Variants in XPNPEP2 observed in about 807,000 individuals in gnomAD.
XPNPEP2 encodes X-prolyl aminopeptidase 2.
In XPNPEP2, 64 loss-of-function variants were observed where a neutral mutation model predicts 59.8. The observed-to-expected ratio is 1.07, with a 90% CI of 0.87 to 1.32. XPNPEP2 has a LOEUF of 1.32. XPNPEP2 is among the 40% of genes most tolerant of loss of function. XPNPEP2 has a pLI of 0.00. For synonymous variants in XPNPEP2, 235 were observed against 210.0 expected (o/e 1.12, Z -1.03); for missense variants, 575 against 546.8 (o/e 1.05, Z -0.51).
intron 14 of XPNPEP2, among the ~76,000 whole-genome samples, chrX:129,756,976 G>A (rs1926529922): frequency 1.0e-5 from 1 of 96,432 alleles, no homozygotes; most frequent in Non-Finnish European, 2.0e-5. Context: ...TGGATTACAG[G>A]TGTCCACCAC....
At position 129,757,023 on chromosome X, in the gene XPNPEP2, T is replaced by TATATATATATATATATATAC. The variant is rs1491537516; in HGVS notation, c.1367+469_1367+470insTATATATATATATATATACA. 2.4e-4 allele frequency among the ~76,000 whole-genome samples: 19 copies of TATATATATATATATATATAC among 77,700 alleles called. No homozygotes were observed. The East Asian group carries it at 4.4e-3, about 18-fold the overall frequency. 67.5% of individuals were successfully genotyped at this position (77,700 alleles called of 115,157 possible). A position where few individuals can be genotyped will look rare whatever the true frequency, so the allele number is the denominator to read the frequency against. ...ATATATATATATATATATATATATA[T>TATATATATATATATATATAC]ACACACACACACACATATATATATA... On this transcript the variant is annotated intron_variant, in intron 14 of 20. Transcript: ENST00000371106.
intron 20 of XPNPEP2, 100 bp downstream of exon 20, chrX:129,767,792 TC>T: frequency 1.1e-6 from 1 of 871,793 alleles, no homozygotes; most frequent in Non-Finnish European, 1.7e-6. Flanking sequence ...TCCAGGAGGG[TC>T]CACACTGGTG....
rs375178294 is a variant in XPNPEP2 at position 129,751,822 on chromosome X, A to G, written c.817A>G (p.Ile273Val). The change falls in exon 9 of 21, where the codon ATT becomes GTT. Residue 273 changes from isoleucine to valine, a missense_variant. By Grantham distance (29) the Ile-to-Val change is conservative. Coordinates refer to ENST00000371106, the MANE Select transcript of XPNPEP2 (RefSeq NM_003399.6). ...CTACACGCTGCTCACAGACTCTTCT[A>G]TTAGGTATGGCTTTTCCTTAGCTTG... The part of the protein sequence containing the change: ...YSYTLLTDSS[I>V]RLFANKSRFS... The G allele has an allele frequency of 8.3e-7, 1 of 1,207,605 alleles. No individual in the cohort carries two copies. The highest frequency in any genetic ancestry group is 1.1e-6 in the Non-Finnish European group (1 of 891,942).
At chrX:129,767,813 GAC>G (rs1926780255) in intron 20 of XPNPEP2, 121 bp downstream of exon 20, 1 of 703,407 alleles carries the variant, frequency 1.4e-6, no homozygotes, top group East Asian at 3.3e-5. Flanking sequence ...GGCACCTGCA[GAC>G]ACACACTGGG....
At chrX:129,753,066 C>T in intron 10 of XPNPEP2, 93 bp from the exon 11 acceptor site, 3 of 730,887 alleles carry the variant, frequency 4.1e-6, no homozygotes, top group Non-Finnish European at 4.3e-6. Context: ...CCTGCCAGTC[C>T]TCTGAAAACA....
intron 8 of XPNPEP2, among the ~76,000 whole-genome samples, chrX:129,751,107 C>A (rs980400241): frequency 2.6e-5 from 1 of 39,144 alleles, no homozygotes; most frequent in Non-Finnish European, 4.7e-5. Flanking sequence ...CTCCCCCACC[C>A]CCCCCCCCCG....
chrX:129,747,877 C>A, intron 7 of XPNPEP2, 124 bp downstream of exon 7: 3 of 981,653 alleles, frequency 3.1e-6, no homozygotes, highest in African/African-American at 3.7e-5. Flanking sequence ...TTAGCATGCA[C>A]CTGAGTCACC....
chrX:129,763,564 C>T (rs183012620), intron 19 of XPNPEP2, among the ~76,000 whole-genome samples: 139 of 111,062 alleles, frequency 1.3e-3, no homozygotes, highest in African/African-American at 3.8e-3. Context: ...CCCAGCTACT[C>T]GGGAGGCTGA....
At chrX:129,748,123 T>TC (rs1926334560) in intron 7 of XPNPEP2, among the ~76,000 whole-genome samples, 1 of 112,118 alleles carries the variant, frequency 8.9e-6, no homozygotes, top group East Asian at 2.8e-4. Flanking sequence ...CAGAGACTGA[T>TC]CCATAATGAA....
chrX:129,762,035 G>A lies in XPNPEP2; in HGVS notation c.1633G>A (p.Ala545Thr), dbSNP rs1926665563. 1.2e-5 allele frequency: 15 copies of A among 1,209,986 alleles called. No individual in the cohort carries two copies. Among genetic ancestry groups the A allele is most frequent in the East Asian group, 3.0e-5 (1 of 33,766 alleles). ...AGTGGGATTCCAGTCCAACAACATC[G>A]CTATGGCCAAGGGCATGTTCACTTC... Reference protein sequence around the residue: ...WPVGFQSNNIAMAKGMFTSIE... With the variant: ...WPVGFQSNNITMAKGMFTSIE... Residue 545 changes from alanine to threonine, a missense_variant, in exon 18 of 21, where the codon GCT becomes ACT. Transcript: ENST00000371106.
At chrX:129,757,063 T>TACACACACACACACACAC (rs745496024) in intron 14 of XPNPEP2, among the ~76,000 whole-genome samples, 1 of 84,841 alleles carries the variant, frequency 1.2e-5, no homozygotes, top group African/African-American at 5.9e-5. Flanking sequence ...CACATATATA[T>TACACACACACACACACAC]ACACACACAT....
chrX:129,753,454 C>A (rs1926459326), intron 11 of XPNPEP2, among the ~76,000 whole-genome samples: 1 of 111,214 alleles, frequency 9.0e-6, no homozygotes, highest in African/African-American at 3.3e-5. Context: ...AGCAGCCTGG[C>A]CAACATGGTG....
Position 129,745,168 on chromosome X carries a change from G to A in XPNPEP2, c.235-35G>A, listed in dbSNP as rs182939215. The A allele has an allele frequency of 2.8e-3, 3,349 of 1,207,064 alleles. 60 individuals carry two copies. The East Asian group carries it at 0.043, about 16-fold the overall frequency. On this transcript the variant is annotated intron_variant, in intron 3 of 20. Coordinates refer to ENST00000371106, the MANE Select transcript of XPNPEP2 (RefSeq NM_003399.6). ...CCTTTCATGTGGGATCTGATACCAC[G>A]AAAAAGGCTAATGATGGTGTTGTTG...
chrX:129,768,233 G>C, intron 20 of XPNPEP2, 58 bp from the exon 21 acceptor site: 1 of 1,102,543 alleles, frequency 9.1e-7, no homozygotes, highest in Non-Finnish European at 1.2e-6. Flanking sequence ...GCGTCACCAA[G>C]ACTTCACCTC....
chrX:129,739,103 C>A lies in XPNPEP2; in HGVS notation c.-111C>A. 2.5e-6 allele frequency: 2 copies of A among 794,280 alleles called. No individual in the cohort carries two copies. The allele number at this position is 794,280 out of a possible 1,213,427, so 65.5% of individuals were successfully genotyped here. On this transcript the variant is annotated 5_prime_UTR_variant, in exon 1 of 21. Coordinates refer to ENST00000371106, the MANE Select transcript of XPNPEP2 (RefSeq NM_003399.6). ...ACGCCTCCTTCTTGACGCCAGCCCCCACCCTCTGTCTGCTCGAGCCCAGGA... is the reference window on the plus strand; with the variant it reads ...ACGCCTCCTTCTTGACGCCAGCCCCAACCCTCTGTCTGCTCGAGCCCAGGA...
At chrX:129,748,610 C>T (rs1192640116) in intron 7 of XPNPEP2, among the ~76,000 whole-genome samples, 1 of 112,242 alleles carries the variant, frequency 8.9e-6, no homozygotes, top group Non-Finnish European at 1.9e-5. Flanking sequence ...GCAGCCATGA[C>T]GAAACAAGTG....
rs377509893 is a variant in XPNPEP2, at chrX:129,755,248, G to C, written c.1218-46G>C. ...GATTAGATATCCCGGGCCCAGCCTA[G>C]TCCAGGGGCCCATTCATTGACCATG... On this transcript the variant is annotated intron_variant, in intron 12 of 20. Transcript: ENST00000371106. The C allele has an allele frequency of 3.5e-6, 4 of 1,156,680 alleles. No homozygotes were observed. In the Admixed American group the frequency reaches 8.8e-5, roughly 25 times the overall value.
At chrX:129,739,941 C>G (rs1254834270) in intron 1 of XPNPEP2, among the ~76,000 whole-genome samples, 1 of 112,420 alleles carries the variant, frequency 8.9e-6, no homozygotes, top group Non-Finnish European at 1.9e-5. Flanking sequence ...CGCTCCCACC[C>G]TAGCCTTCCT....
chrX:129,756,454 G>T, intron 13 of XPNPEP2, 30 bp from the exon 14 acceptor site: 1 of 1,206,611 alleles, frequency 8.3e-7, no homozygotes. Flanking sequence ...GGGTTAGGCT[G>T]CCCTTCTCAA....
Sources: allele counts gnomAD v4.1 joint callset (sites outside exome capture counted in the v4.1 genomes callset), GRCh38; gene constraint gnomAD v4.1.1; transcripts MANE v1.5; gene names NCBI Gene and HGNC (gene_info 2026-07-23, HGNC 2026-07-21).